The following C10orf90 variants were observed in gnomAD, a reference collection of about 807,000 sequenced individuals.
C10orf90 encodes chromosome 10 open reading frame 90, also known as (E2-independent) E3 ubiquitin-conjugating enzyme FATS.
C10orf90 carries 56 observed loss-of-function variants against 62.5 expected under a neutral mutation model. That is an observed-to-expected ratio of 0.90 (90% CI 0.72 to 1.12). The LOEUF (loss-of-function observed/expected upper bound fraction) is 1.12. Ranked by LOEUF, C10orf90 falls within the 50% of genes most tolerant of loss-of-function variation. The pLI, the probability that C10orf90 is intolerant of heterozygous loss-of-function variation, is 0.00. For synonymous variants in C10orf90, 386 were observed against 340.4 expected (o/e 1.13, Z -1.47); for missense variants, 970 against 880.4 (o/e 1.10, Z -1.29).
intron 4 of C10orf90, among the ~76,000 whole-genome samples, chr10:126,474,420 A>G (rs1860748838): frequency 6.6e-6 from 1 of 152,160 alleles, no homozygotes; most frequent in African/African-American, 2.4e-5. Flanking sequence ...AAGAACAAAC[A>G]ATTTAAGGAC....
In C10orf90 at chr10:126,530,713, C is replaced by T. The variant is rs568191700; in HGVS notation, c.314-16774G>A. On this transcript the variant is annotated intron_variant, in intron 2 of 9. Transcript: ENST00000488181. ...AGCCCAGGCAGCCTGCAGGCACATG[C>T]GGGAAAGATGAATTCTATCAAACTT... Among the ~76,000 whole-genome samples, 500 of 151,954 alleles carry T rather than the reference C, an allele frequency of 3.3e-3. 6 individuals carry two copies. The highest frequency in any genetic ancestry group is 0.012 in the African/African-American group (478 of 41,422).
intron 4 of C10orf90, among the ~76,000 whole-genome samples, chr10:126,481,643 G>A (rs1486532834): frequency 1.3e-5 from 2 of 152,290 alleles, no homozygotes; most frequent in South Asian, 4.1e-4. Flanking sequence ...CCACCATGTT[G>A]GCAGGTACCA....
chr10:126,531,786 A>G (rs940604386), intron 2 of C10orf90, among the ~76,000 whole-genome samples: 11 of 152,228 alleles, frequency 7.2e-5, no homozygotes, highest in African/African-American at 2.7e-4. Flanking sequence ...ATTAGACTGC[A>G]TTAAAGTTTA....
chr10:126,485,776 T>TTA (rs370654491), intron 4 of C10orf90, among the ~76,000 whole-genome samples: 1 of 144,928 alleles, frequency 6.9e-6, no homozygotes, highest in Non-Finnish European at 1.5e-5. Flanking sequence ...CTATCTCTAT[T>TTA]AAAAAAAAAA....
chr10:126,532,665 G>A (rs1312690555), intron 2 of C10orf90, among the ~76,000 whole-genome samples: 4 of 150,446 alleles, frequency 2.7e-5, no homozygotes, highest in South Asian at 2.1e-4. Context: ...GTGAAACCCC[G>A]TCTCTACTAA....
chr10:126,616,478 T>C (rs1399488661), intron 2 of C10orf90, among the ~76,000 whole-genome samples: 2 of 152,154 alleles, frequency 1.3e-5, no homozygotes, highest in Non-Finnish European at 2.9e-5. Flanking sequence ...ATAGCTCCAG[T>C]TGACACTTGT....
chr10:126,555,444 A>G (rs1864742565), intron 2 of C10orf90, among the ~76,000 whole-genome samples: 1 of 151,986 alleles, frequency 6.6e-6, no homozygotes, highest in Admixed American at 6.6e-5. Context: ...AGGCTGAGGC[A>G]GGCGCGATCA....
intron 4 of C10orf90, among the ~76,000 whole-genome samples, chr10:126,478,614 T>A (rs1861016898): frequency 6.6e-6 from 1 of 152,192 alleles, no homozygotes; most frequent in Non-Finnish European, 1.5e-5. Flanking sequence ...AGATGGCTGT[T>A]TCCTGCCCTT....
At chr10:126,597,998 C>A (rs1447655024) in intron 2 of C10orf90, among the ~76,000 whole-genome samples, 1 of 152,166 alleles carries the variant, frequency 6.6e-6, no homozygotes, top group Non-Finnish European at 1.5e-5. Context: ...GTTTTTCCAC[C>A]CTCCCCACAA....
At position 126,464,618 on chromosome 10, in the gene C10orf90, G is replaced by C. The variant is rs1590952864; in HGVS notation, c.1825+78C>G. 17 of 1,410,434 alleles carry C rather than the reference G, an allele frequency of 1.2e-5. No homozygotes were observed. In the East Asian group the frequency reaches 3.9e-4, roughly 32 times the overall value. 87.4% of individuals were successfully genotyped at this position (1,410,434 alleles called of 1,614,324 possible). A position where few individuals can be genotyped will look rare whatever the true frequency, so the allele number is the denominator to read the frequency against. On this transcript the variant is annotated intron_variant, in intron 5 of 9. Coordinates refer to ENST00000488181, the MANE Select transcript of C10orf90 (RefSeq NM_001350921.2). ...TCAGGTGAACGGTGACAGTATGCAC[G>C]AGGTCCAGGTAGGCAATCAACAAAT...
In C10orf90 at chr10:126,425,663, T is replaced by C; in HGVS notation, c.*201A>G. ...GAGGTGGTTTCCCCACAACAGATTG[T>C]TGACCTATTTTCTCGAGGGTTATTG... is the stretch of plus-strand genomic sequence containing the variant. On this transcript the variant is annotated 3_prime_UTR_variant, in exon 10 of 10. Coordinates refer to ENST00000488181, the MANE Select transcript of C10orf90 (RefSeq NM_001350921.2). 1.7e-6 allele frequency: 1 copy of C among 603,070 alleles called. No individual in the cohort carries two copies. Among genetic ancestry groups the C allele is most frequent in the Non-Finnish European group, 2.9e-6 (1 of 346,716 alleles). 37.4% of individuals were successfully genotyped at this position (603,070 alleles called of 1,614,324 possible). A position where few individuals can be genotyped will look rare whatever the true frequency, so the allele number is the denominator to read the frequency against.
rs916259875 is a variant in C10orf90 at position 126,495,220 on chromosome 10, C to A, written c.1534+8737G>T. On this transcript the variant is annotated intron_variant, in intron 4 of 9. Transcript: ENST00000488181. Reference sequence around the variant, plus strand: ...GGCACTGACTGAGACATGTTCACTGCAGCATTGGATGAGTGTGTTTTGGTT... The same window carrying A: ...GGCACTGACTGAGACATGTTCACTGAAGCATTGGATGAGTGTGTTTTGGTT... 3.3e-5 allele frequency among the ~76,000 whole-genome samples: 5 copies of A among 152,162 alleles called. No individual in the cohort carries two copies. The East Asian group carries it at 9.7e-4, about 29-fold the overall frequency.
rs200872045 is a variant in C10orf90, at chr10:126,532,915, G to GTAT, written c.314-18979_314-18977dup. Among the ~76,000 whole-genome samples the GTAT allele has an allele frequency of 2.1e-3, 299 of 140,850 alleles. 1 individual carries two copies. Among genetic ancestry groups the GTAT allele is most frequent in the African/African-American group, 6.1e-3 (237 of 38,588 alleles). The allele number at this position is 140,850 out of a possible 152,430, so 92.4% of individuals were successfully genotyped here. ...TAAAATAAAATAAAGGCTTGCTACT[G>GTAT]TATTATTATTATTATTATTTATTTA... is the stretch of plus-strand genomic sequence containing the variant. On this transcript the variant is annotated intron_variant, in intron 2 of 9. Coordinates refer to ENST00000488181, the MANE Select transcript of C10orf90 (RefSeq NM_001350921.2).
chr10:126,597,726 G>T (rs1030886503), intron 2 of C10orf90, among the ~76,000 whole-genome samples: 7 of 152,076 alleles, frequency 4.6e-5, no homozygotes, highest in Non-Finnish European at 1.0e-4. Flanking sequence ...TTTAATGAAT[G>T]ACTAGATTTG....
intron 1 of C10orf90, among the ~76,000 whole-genome samples, chr10:126,664,115 AG>A (rs1389463043): frequency 6.6e-6 from 1 of 152,210 alleles, no homozygotes; most frequent in African/African-American, 2.4e-5. Flanking sequence ...CTGTGCATTC[AG>A]GTCCTGGCCA....
At chr10:126,554,395 C>G (rs1864711584) in intron 2 of C10orf90, among the ~76,000 whole-genome samples, 1 of 152,014 alleles carries the variant, frequency 6.6e-6, no homozygotes, top group Non-Finnish European at 1.5e-5. Context: ...ATGAGGAAAG[C>G]CTTCGGAATT....
rs755351903 is a variant in C10orf90, at chr10:126,429,797, G to T, written c.2242C>A (p.Arg748=). Residue 748 remains arginine (R), a synonymous_variant, in exon 8 of 10, where the codon CGA becomes AGA. Coordinates refer to ENST00000488181, the MANE Select transcript of C10orf90 (RefSeq NM_001350921.2). ...ACAATAACCAAGTACCTCTTAGATC[G>T]CATATGCATCTCCTTCTCTGAAATG... ...RCISEKEMHM[R]SKRIYDNLPE... The T allele has an allele frequency of 1.9e-6, 3 of 1,613,724 alleles. No individual in the cohort carries two copies. Among genetic ancestry groups the T allele is most frequent in the Non-Finnish European group, 2.5e-6 (3 of 1,179,766 alleles).
chr10:126,473,900 C>A (rs1860723116), intron 4 of C10orf90, among the ~76,000 whole-genome samples: 1 of 152,104 alleles, frequency 6.6e-6, no homozygotes, highest in African/African-American at 2.4e-5. Flanking sequence ...CCAAGTGATG[C>A]TGATGCTACT....
chr10:126,611,745 C>A (rs1375939667), intron 2 of C10orf90, among the ~76,000 whole-genome samples: 1 of 152,178 alleles, frequency 6.6e-6, no homozygotes. Flanking sequence ...CTCCTTATTG[C>A]AGTGGCCAGA....
Sources: gnomAD v4.1 joint callset for allele counts (sites outside exome capture counted in the v4.1 genomes callset) on GRCh38, gnomAD v4.1.1 for gene constraint, MANE v1.5 for transcripts, NCBI Gene and HGNC (gene_info 2026-07-23, HGNC 2026-07-21) for gene names.